The following CSMD1 variants were observed in gnomAD, a reference collection of about 807,000 sequenced individuals.
The protein encoded by CSMD1 is CUB and Sushi multiple domains 1.
In CSMD1, 213 loss-of-function variants were observed where a neutral mutation model predicts 417.5. The ratio of observed to expected loss-of-function variants is 0.51; its 90% CI spans 0.46 to 0.57. The LOEUF (loss-of-function observed/expected upper bound fraction) is 0.57, where lower values mean the gene tolerates loss of function less well. Among genes scored for constraint, CSMD1 ranks in the 20% least tolerant of loss-of-function variants. CSMD1 has a pLI of 0.00. For synonymous variants in CSMD1, 2,862 were observed against 1,736.8 expected, an observed-to-expected ratio of 1.65 and a Z score of -16.11; for missense variants, 6,923 against 4,529.7, an observed-to-expected ratio of 1.53 and a Z score of -15.17.
chr8:4,150,429 T>C lies in CSMD1; in HGVS notation c.416-118330A>G, dbSNP rs147947382. On this transcript the variant is annotated intron_variant, in intron 3 of 69. Coordinates refer to ENST00000635120, the MANE Select transcript of CSMD1 (RefSeq NM_033225.6). The stretch of plus-strand genomic sequence containing the variant: ...CTCTCTTATCTTTGGATGGCAGGCT[T>C]TTGACAACTTCAGTGCCTTTTACCG... Among the ~76,000 whole-genome samples the C allele has an allele frequency of 2.1e-3, 314 of 152,318 alleles. 3 individuals carry two copies. Among genetic ancestry groups the C allele is most frequent in the Admixed American group, 6.2e-3 (95 of 15,294 alleles).
intron 2 of CSMD1, among the ~76,000 whole-genome samples, chr8:4,465,478 G>T (rs201458528): frequency 1.3e-5 from 2 of 152,164 alleles, no homozygotes; most frequent in East Asian, 1.9e-4. Flanking sequence ...TACCAAGATG[G>T]TTCGTCGTCC....
intron 5 of CSMD1, among the ~76,000 whole-genome samples, chr8:3,779,426 G>A (rs1799060628): frequency 6.6e-6 from 1 of 152,120 alleles, no homozygotes; most frequent in Non-Finnish European, 1.5e-5. Flanking sequence ...GGAGCATCAA[G>A]AAAGATCGTT....
rs537729678 is a variant in CSMD1 at position 3,713,148 on chromosome 8, T to C, written c.932-4657A>G. Among the ~76,000 whole-genome samples the C allele has an allele frequency of 2.6e-5, 4 of 152,320 alleles. No homozygotes were observed. The East Asian group carries it at 7.7e-4, about 29-fold the overall frequency. On this transcript the variant is annotated intron_variant, in intron 6 of 69. Coordinates refer to ENST00000635120, the MANE Select transcript of CSMD1 (RefSeq NM_033225.6). ...GGGGAAATATTTTTAGTTTAAGGGC[T>C]GAAAAATCAAAAACCACCACAATAA... is the stretch of plus-strand genomic sequence containing the variant.
intron 32 of CSMD1, among the ~76,000 whole-genome samples, chr8:3,200,864 C>T (rs6985821): frequency 2.6e-5 from 4 of 152,228 alleles, no homozygotes; most frequent in African/African-American, 7.2e-5. Context: ...AAGCTTGTGA[C>T]GCATATCGTT....
chr8:3,266,863 C>T (rs1801471001), intron 26 of CSMD1, among the ~76,000 whole-genome samples: 3 of 151,216 alleles, frequency 2.0e-5, no homozygotes, highest in South Asian at 4.2e-4. Context: ...GAGCAGTAAT[C>T]ACAGAGTGAT....
At chr8:4,850,593 C>T (rs1293903429) in intron 1 of CSMD1, among the ~76,000 whole-genome samples, 1 of 151,972 alleles carries the variant, frequency 6.6e-6, no homozygotes, top group Non-Finnish European at 1.5e-5. Context: ...ATCCTTCATC[C>T]TCTCTTCCTC....
intron 8 of CSMD1, among the ~76,000 whole-genome samples, chr8:3,597,348 C>G (rs1406072502): frequency 6.6e-6 from 1 of 151,728 alleles, no homozygotes; most frequent in Admixed American, 6.6e-5. Context: ...TTCCAATTTC[C>G]CTCACTCTCG....
intron 3 of CSMD1, among the ~76,000 whole-genome samples, chr8:4,277,992 C>G (rs1796580510): frequency 6.6e-6 from 1 of 152,080 alleles, no homozygotes; most frequent in Non-Finnish European, 1.5e-5. Flanking sequence ...TCGTGATTCG[C>G]CGCCTTGCCC....
At chr8:4,023,806 A>G (rs1477229434) in intron 4 of CSMD1, among the ~76,000 whole-genome samples, 1 of 103,344 alleles carries the variant, frequency 9.7e-6, no homozygotes, top group African/African-American at 3.8e-5. Context: ...TTTAGTAGAG[A>G]CGGGGTTTCA....
intron 31 of CSMD1, among the ~76,000 whole-genome samples, chr8:3,204,481 A>G (rs185178161): frequency 1.2e-3 from 177 of 152,298 alleles, no homozygotes; most frequent in African/African-American, 4.0e-3. Flanking sequence ...GGTCCAACTT[A>G]AAATTTGGAA....
intron 3 of CSMD1, among the ~76,000 whole-genome samples, chr8:4,190,909 G>C (rs752461209): frequency 1.8e-4 from 28 of 151,586 alleles, no homozygotes; most frequent in Admixed American, 5.9e-4. Flanking sequence ...GAGAACACAT[G>C]GGTACACATA....
chr8:3,203,627 A>G (rs936168859), intron 31 of CSMD1, among the ~76,000 whole-genome samples: 44 of 152,304 alleles, frequency 2.9e-4, no homozygotes, highest in African/African-American at 1.1e-3. Flanking sequence ...AAAAACAAAC[A>G]GGGGGATTGG....
At chr8:4,106,983 G>C (rs917487347) in intron 3 of CSMD1, among the ~76,000 whole-genome samples, 1 of 152,208 alleles carries the variant, frequency 6.6e-6, no homozygotes, top group Non-Finnish European at 1.5e-5. Context: ...AGACTCAGCA[G>C]ATGGGCCTTA....
intron 18 of CSMD1, among the ~76,000 whole-genome samples, chr8:3,377,164 A>G (rs1810360735): frequency 6.6e-6 from 1 of 151,956 alleles, no homozygotes; most frequent in Non-Finnish European, 1.5e-5. Flanking sequence ...ACATGCCAAT[A>G]CCCCCAGCTA....
chr8:4,757,243 A>C (rs1811723398), intron 1 of CSMD1, among the ~76,000 whole-genome samples: 1 of 152,226 alleles, frequency 6.6e-6, no homozygotes, highest in African/African-American at 2.4e-5. Context: ...AACAACTTGC[A>C]ATTGACTACA....
intron 5 of CSMD1, among the ~76,000 whole-genome samples, chr8:3,863,023 T>A (rs1020488948): frequency 1.2e-4 from 18 of 152,164 alleles, no homozygotes; most frequent in Admixed American, 9.8e-4. Flanking sequence ...AAGATTTGCT[T>A]TGTCTCTGCC....
At chr8:3,845,354 G>C (rs1009008901) in intron 5 of CSMD1, among the ~76,000 whole-genome samples, 2 of 152,170 alleles carry the variant, frequency 1.3e-5, no homozygotes, top group South Asian at 2.1e-4. Context: ...GTTGCTCCTG[G>C]ACCACACACC....
chr8:3,820,164 C>A (rs1801647385), intron 5 of CSMD1, among the ~76,000 whole-genome samples: 1 of 152,148 alleles, frequency 6.6e-6, no homozygotes, highest in Non-Finnish European at 1.5e-5. Flanking sequence ...ATGCCTTGCA[C>A]AAAGTGCTCT....
chr8:3,570,588 T>G (rs762462803), intron 10 of CSMD1, among the ~76,000 whole-genome samples: 1 of 152,152 alleles, frequency 6.6e-6, no homozygotes, highest in African/African-American at 2.4e-5. Context: ...GTCAAACACC[T>G]GAGCTGCAAT....
Sources: gnomAD v4.1 joint callset for allele counts (sites outside exome capture counted in the v4.1 genomes callset) on GRCh38, gnomAD v4.1.1 for gene constraint, MANE v1.5 for transcripts, NCBI Gene and HGNC (gene_info 2026-07-23, HGNC 2026-07-21) for gene names.